LIN52: variants seen among roughly 807,000 people sequenced by gnomAD.
LIN52 encodes the protein lin-52 DREAM MuvB core complex component.
LIN52 carries 4 observed loss-of-function variants against 18.5 expected under a neutral mutation model. That is an observed-to-expected ratio of 0.22 (90% confidence interval 0.11 to 0.49). The LOEUF (loss-of-function observed/expected upper bound fraction) is 0.49. Ranked by LOEUF, LIN52 falls within the 20% of genes least tolerant of loss-of-function variation. LIN52 has a pLI of 0.97. For missense variants in LIN52, 102 were observed against 139.5 expected (o/e 0.73, Z 1.35); for synonymous variants, 34 against 45.5 (o/e 0.75, Z 1.02).
intron 5 of LIN52, among the ~76,000 whole-genome samples, chr14:74,138,040 A>G (rs1319060900): frequency 1.3e-5 from 2 of 152,200 alleles, no homozygotes; most frequent in Non-Finnish European, 2.9e-5. Flanking sequence ...TTTGAAACAC[A>G]AATTGACATG....
intron 5 of LIN52, among the ~76,000 whole-genome samples, chr14:74,173,537 GAT>G (rs759746297): frequency 9.2e-5 from 14 of 152,116 alleles, no homozygotes; most frequent in Admixed American, 2.0e-4. Flanking sequence ...TGTGGATTTT[GAT>G]ATGTTTAAAT....
chr14:74,175,748 A>ACACACACACACC (rs796441764), intron 5 of LIN52, among the ~76,000 whole-genome samples: 1,840 of 98,774 alleles, frequency 0.019, 16 homozygotes, highest in South Asian at 0.043. Context: ...ACACACACAC[A>ACACACACACACC]CACCCCCATT....
chr14:74,148,027 TAA>T lies in LIN52; in HGVS notation c.283+46792_283+46793del, dbSNP rs2061159889. Among the ~76,000 whole-genome samples the T allele has an allele frequency of 2.0e-5, 3 of 152,156 alleles. No homozygotes were observed. In the South Asian group the frequency reaches 6.2e-4, roughly 32 times the overall value. On this transcript the variant is annotated intron_variant, in intron 5 of 5. Transcript: ENST00000555028. Reference sequence around the variant, plus strand: ...CTATGTGAATTATATCTCAAGTTTTTAAAAGTTATATGAGAAAAGAAGAAAAA... The same window carrying T: ...CTATGTGAATTATATCTCAAGTTTTTAAGTTATATGAGAAAAGAAGAAAAA...
rs117904371 is a variant in LIN52 at position 74,138,522 on chromosome 14, G to A, written c.283+37284G>A. 7.6e-3 allele frequency among the ~76,000 whole-genome samples: 1,162 copies of A among 152,214 alleles called. 41 individuals are homozygous for A. The highest frequency in any genetic ancestry group is 0.057 in the East Asian group (296 of 5,176). ...TGTTAAAGCATCTTTGAAGGCCAAC[G>A]TGGCATGATCACTTGAGGCCGGGAG... On this transcript the variant is annotated intron_variant, in intron 5 of 5. Coordinates refer to ENST00000555028, the MANE Select transcript of LIN52 (RefSeq NM_001024674.3).
intron 5 of LIN52, among the ~76,000 whole-genome samples, chr14:74,159,814 C>T (rs562997238): frequency 2.0e-5 from 3 of 152,196 alleles, no homozygotes; most frequent in South Asian, 2.1e-4. Flanking sequence ...TCAAGTGATC[C>T]GCCTGCCTTG....
chr14:74,111,838 T>C (rs922700638), intron 5 of LIN52, among the ~76,000 whole-genome samples: 13 of 151,824 alleles, frequency 8.6e-5, no homozygotes, highest in African/African-American at 3.1e-4. Flanking sequence ...TTGAACTGGA[T>C]TTTTGATCTA....
At chr14:74,181,460 CATGCTT>C (rs1245791757) in intron 5 of LIN52, among the ~76,000 whole-genome samples, 3 of 151,540 alleles carry the variant, frequency 2.0e-5, no homozygotes, top group Non-Finnish European at 2.9e-5. Flanking sequence ...AATTCTAGTA[CATGCTT>C]ATGCTTATAC....
chr14:74,119,077 A>T (rs1265428895), intron 5 of LIN52, among the ~76,000 whole-genome samples: 3 of 151,980 alleles, frequency 2.0e-5, no homozygotes, highest in African/African-American at 7.3e-5. Context: ...GGATATTTGG[A>T]CTATTTCCAG....
intron 5 of LIN52, among the ~76,000 whole-genome samples, chr14:74,145,526 C>T (rs1190318542): frequency 6.6e-6 from 1 of 152,190 alleles, no homozygotes; most frequent in African/African-American, 2.4e-5. Flanking sequence ...TCTAAAGCTG[C>T]CTGTTAATAA....
intron 5 of LIN52, among the ~76,000 whole-genome samples, chr14:74,186,238 G>A (rs1025205525): frequency 6.6e-6 from 1 of 152,022 alleles, no homozygotes; most frequent in African/African-American, 2.4e-5. Context: ...GCTGCAGTGA[G>A]CCAAGATGGT....
At chr14:74,139,895 C>T (rs1415043907) in intron 5 of LIN52, among the ~76,000 whole-genome samples, 1 of 152,008 alleles carries the variant, frequency 6.6e-6, no homozygotes, top group Non-Finnish European at 1.5e-5. Flanking sequence ...ATTTCTGAAG[C>T]CTGTATGAGG....
chr14:74,177,227 A>G (rs1489281761), intron 5 of LIN52, among the ~76,000 whole-genome samples: 1 of 151,964 alleles, frequency 6.6e-6, no homozygotes, highest in Non-Finnish European at 1.5e-5. Flanking sequence ...CGAACTCCTG[A>G]CCTCAGGTGA....
At chr14:74,093,072 C>T (rs1223595034) in intron 2 of LIN52, among the ~76,000 whole-genome samples, 1 of 151,956 alleles carries the variant, frequency 6.6e-6, no homozygotes, top group Non-Finnish European at 1.5e-5. Flanking sequence ...CTGCCTCAGC[C>T]TCCCGAGTAG....
chr14:74,181,125 A>G (rs1459883434), intron 5 of LIN52, among the ~76,000 whole-genome samples: 4 of 125,344 alleles, frequency 3.2e-5, no homozygotes, highest in East Asian at 4.1e-4. Context: ...AAAAAAAAAA[A>G]AAAGAAAAAA....
At chr14:74,170,838 T>C (rs983895349) in intron 5 of LIN52, among the ~76,000 whole-genome samples, 1 of 150,110 alleles carries the variant, frequency 6.7e-6, no homozygotes, top group African/African-American at 2.4e-5. Context: ...TAACTAGAGT[T>C]CCAGAAGGAA....
chr14:74,167,523 C>T (rs1414354394), intron 5 of LIN52, among the ~76,000 whole-genome samples: 1 of 152,146 alleles, frequency 6.6e-6, no homozygotes, highest in East Asian at 1.9e-4. Flanking sequence ...GCCTCAGCCT[C>T]CCAAAGTGTT....
rs542883616 is a variant in LIN52 at position 74,199,934 on chromosome 14, G to A, written c.*957G>A. 1 of 152,234 alleles carries A rather than the reference G, an allele frequency of 6.6e-6. No homozygotes were observed. Among genetic ancestry groups the A allele is most frequent in the Admixed American group, 6.5e-5 (1 of 15,294 alleles). The allele number at this position is 152,234 out of a possible 1,614,324, so 9.4% of individuals were successfully genotyped here. On this transcript the variant is annotated 3_prime_UTR_variant, in exon 6 of 6. Transcript: ENST00000555028. ...CTATATAATAGAAACGCACACACACGAAAAAGAATCTTCTGACTTAAATAC... is the reference window on the plus strand; with the variant it reads ...CTATATAATAGAAACGCACACACACAAAAAAGAATCTTCTGACTTAAATAC...
At chr14:74,181,199 G>C (rs1370039390) in intron 5 of LIN52, among the ~76,000 whole-genome samples, 3 of 151,676 alleles carry the variant, frequency 2.0e-5, no homozygotes, top group Non-Finnish European at 4.4e-5. Context: ...CCAGCATTTT[G>C]GAAGGACAGA....
intron 4 of LIN52, among the ~76,000 whole-genome samples, chr14:74,099,245 G>A (rs910453027): frequency 6.6e-6 from 1 of 151,930 alleles, no homozygotes; most frequent in Non-Finnish European, 1.5e-5. Context: ...CTTATGCTAG[G>A]TGTAGATAAT....
Sources: gnomAD v4.1 joint callset for allele counts (sites outside exome capture counted in the v4.1 genomes callset) on GRCh38, gnomAD v4.1.1 for gene constraint, MANE v1.5 for transcripts, NCBI Gene and HGNC (gene_info 2026-07-23, HGNC 2026-07-21) for gene names.